ACOXL: variants seen among roughly 807,000 people sequenced by gnomAD.
ACOXL encodes the protein acyl-coenzyme A oxidase-like protein.
ACOXL carries 70 observed loss-of-function variants against 71.9 expected under a neutral mutation model. The observed-to-expected ratio is 0.97, with a 90% CI of 0.80 to 1.19. The LOEUF is 1.19. Among genes scored for constraint, ACOXL ranks in the 50% most tolerant of loss-of-function variants. The pLI is 0.00. For missense variants in ACOXL, 703 were observed against 736.3 expected, an observed-to-expected ratio of 0.95 and a Z score of 0.52; for synonymous variants, 253 against 281.6, an observed-to-expected ratio of 0.90 and a Z score of 1.02.
chr2:110,754,070 ATT>A (rs558367497), intron 1 of ACOXL, among the ~76,000 whole-genome samples: 23 of 119,826 alleles, frequency 1.9e-4, no homozygotes, highest in Middle Eastern at 4.7e-3. Context: ...AGTTCTGTGA[ATT>A]TTTTTTTTTT....
chr2:110,844,659 T>C (rs1023730089), intron 10 of ACOXL, among the ~76,000 whole-genome samples: 2 of 151,612 alleles, frequency 1.3e-5, no homozygotes, highest in Non-Finnish European at 1.5e-5. Flanking sequence ...GCAATTCTCA[T>C]ACCTCAGCCT....
intron 13 of ACOXL, 89 bp downstream of exon 13, chr2:110,987,306 T>A: frequency 4.8e-6 from 6 of 1,241,428 alleles, no homozygotes; most frequent in Non-Finnish European, 6.8e-6. Flanking sequence ...TCACTCTTGC[T>A]TGAAATTTTT....
intron 16 of ACOXL, among the ~76,000 whole-genome samples, chr2:111,051,429 GA>G (rs2066283526): frequency 1.3e-5 from 2 of 152,168 alleles, no homozygotes; most frequent in South Asian, 4.1e-4. Flanking sequence ...TTAACCTCAT[GA>G]AAACTTGTTG....
chr2:110,825,695 A>G (rs545900422), intron 9 of ACOXL, among the ~76,000 whole-genome samples: 16 of 152,126 alleles, frequency 1.1e-4, no homozygotes, highest in Non-Finnish European at 2.1e-4. Context: ...GTGAGCATTT[A>G]TGCCGTTTGC....
chr2:111,085,033 C>T (rs931676856), intron 16 of ACOXL, among the ~76,000 whole-genome samples: 8 of 151,998 alleles, frequency 5.3e-5, no homozygotes, highest in Non-Finnish European at 1.5e-5. Context: ...GATGTAACTA[C>T]CCTAAATGTA....
intron 10 of ACOXL, among the ~76,000 whole-genome samples, chr2:110,853,913 G>GTTTTTTTTTTTTTTTTTTTT (rs35717647): frequency 7.0e-6 from 1 of 142,256 alleles, no homozygotes; most frequent in Non-Finnish European, 1.5e-5. Flanking sequence ...TAGGACACTT[G>GTTTTTTTTTTTTTTTTTTTT]TTTTTTTTTT....
intron 10 of ACOXL, among the ~76,000 whole-genome samples, chr2:110,870,973 C>A (rs1320705451): frequency 6.6e-6 from 1 of 152,116 alleles, no homozygotes; most frequent in Non-Finnish European, 1.5e-5. Context: ...TGGCTTAAAT[C>A]GTCCCAGTGT....
chr2:110,884,884 C>T (rs1204279473), intron 10 of ACOXL, among the ~76,000 whole-genome samples: 18 of 151,820 alleles, frequency 1.2e-4, no homozygotes, highest in African/African-American at 4.1e-4. Flanking sequence ...GTAGATTGGC[C>T]ACGAGATACA....
intron 11 of ACOXL, among the ~76,000 whole-genome samples, chr2:110,914,932 T>A (rs1482484942): frequency 6.6e-6 from 1 of 152,236 alleles, no homozygotes; most frequent in Non-Finnish European, 1.5e-5. Flanking sequence ...AGACATGCAA[T>A]TTGAAATAAG....
intron 12 of ACOXL, among the ~76,000 whole-genome samples, chr2:110,970,451 A>G (rs1036998682): frequency 2.0e-5 from 3 of 152,166 alleles, no homozygotes; most frequent in Non-Finnish European, 2.9e-5. Context: ...ACCATTCATG[A>G]TAAAAACTCA....
At chr2:110,950,323 A>G (rs547347509) in intron 12 of ACOXL, among the ~76,000 whole-genome samples, 382 of 152,320 alleles carry the variant, frequency 2.5e-3, no homozygotes, top group Non-Finnish European at 3.2e-3. Flanking sequence ...AGAGGGGGAA[A>G]GTAGCCAGCA....
intron 10 of ACOXL, among the ~76,000 whole-genome samples, chr2:110,889,597 G>A (rs1249204683): frequency 6.6e-6 from 1 of 152,104 alleles, no homozygotes. Flanking sequence ...TATAATAGGT[G>A]GTCTTTTGGA....
chr2:110,874,831 C>G (rs1207573095), intron 10 of ACOXL, among the ~76,000 whole-genome samples: 1 of 152,164 alleles, frequency 6.6e-6, no homozygotes, highest in African/African-American at 2.4e-5. Context: ...TCCCGGATCT[C>G]GTGAACCAGC....
At chr2:110,890,909 C>T (rs144506489) in intron 10 of ACOXL, among the ~76,000 whole-genome samples, 4 of 152,142 alleles carry the variant, frequency 2.6e-5, no homozygotes, top group African/African-American at 9.6e-5. Context: ...GGAAGTATTG[C>T]CATTTTCATA....
intron 10 of ACOXL, among the ~76,000 whole-genome samples, chr2:110,859,598 G>A (rs879789979): frequency 3.9e-5 from 6 of 152,168 alleles, no homozygotes; most frequent in Admixed American, 6.5e-5. Context: ...TGCTGTTGAC[G>A]GCAGCCGGCT....
At chr2:110,865,723 C>T (rs570491217) in intron 10 of ACOXL, among the ~76,000 whole-genome samples, 51 of 152,250 alleles carry the variant, frequency 3.3e-4, no homozygotes, top group East Asian at 1.2e-3. Flanking sequence ...TGTTTCCAGA[C>T]GATTTACATG....
intron 12 of ACOXL, among the ~76,000 whole-genome samples, chr2:110,973,558 C>T (rs143020822): frequency 6.3e-4 from 96 of 152,256 alleles, no homozygotes; most frequent in African/African-American, 2.0e-3. Context: ...CTTGGACTTC[C>T]CAGACTCCAG....
At chr2:110,768,609 G>A (rs1396153535) in intron 2 of ACOXL, 145 bp downstream of exon 2, 8 of 702,232 alleles carry the variant, frequency 1.1e-5, no homozygotes, top group East Asian at 1.1e-4. Context: ...GGTAAATTGC[G>A]TGTTATGGAG....
chr2:110,860,945 T>A (rs376645859), intron 10 of ACOXL, among the ~76,000 whole-genome samples: 1 of 152,136 alleles, frequency 6.6e-6, no homozygotes, highest in African/African-American at 2.4e-5. Flanking sequence ...TGAGCTGAAG[T>A]CCACAATAAA....
Sources: allele counts gnomAD v4.1 joint callset (sites outside exome capture counted in the v4.1 genomes callset), GRCh38; gene constraint gnomAD v4.1.1; transcripts MANE v1.5; gene names NCBI Gene and HGNC (gene_info 2026-07-23, HGNC 2026-07-21).